Variants in AP1S3 observed in about 807,000 individuals in gnomAD.
AP1S3 encodes the protein AP-1 complex subunit sigma-3.
AP1S3 carries 10 observed loss-of-function variants against 20.9 expected under a neutral mutation model. That is an observed-to-expected ratio of 0.48 (90% confidence interval 0.29 to 0.81). The LOEUF is 0.81. Among genes scored for constraint, AP1S3 ranks in the 30% least tolerant of loss-of-function variants. The probability of loss-of-function intolerance (pLI) is 0.08; values close to 1 mark genes in which losing one functional copy is unlikely to be tolerated. For missense variants in AP1S3, 154 were observed against 183.8 expected, an observed-to-expected ratio of 0.84 and a Z score of 0.94; for synonymous variants, 41 against 61.5, an observed-to-expected ratio of 0.67 and a Z score of 1.56.
intron 1 of AP1S3, among the ~76,000 whole-genome samples, chr2:223,818,325 G>A (rs1178135384): frequency 6.6e-6 from 1 of 151,858 alleles, no homozygotes; most frequent in Non-Finnish European, 1.5e-5. Flanking sequence ...GCTGAGGCAG[G>A]AGAATCGCTT....
At position 223,809,032 on chromosome 2, in the gene AP1S3, G is replaced by C. The variant is rs1691650388; in HGVS notation, c.3+28416C>G. On this transcript the variant is annotated intron_variant, in intron 1 of 4. Coordinates refer to ENST00000396654, the MANE Select transcript of AP1S3 (RefSeq NM_001039569.2). ...AAAAATGGACTGGCTGGGGAAGTTT[G>C]AGGAGACCGCATTAAGAACATTATA... is the stretch of plus-strand genomic sequence containing the variant. Among the ~76,000 whole-genome samples, 3 of 152,198 alleles carry C rather than the reference G, an allele frequency of 2.0e-5. 1 individual carries two copies. Among genetic ancestry groups the C allele is most frequent in the Admixed American group, 2.0e-4 (3 of 15,280 alleles).
intron 3 of AP1S3, among the ~76,000 whole-genome samples, chr2:223,772,553 C>T (rs988272647): frequency 6.6e-6 from 1 of 152,190 alleles, no homozygotes; most frequent in African/African-American, 2.4e-5. Context: ...GACTTTGAGG[C>T]ATTTCCTCTG....
intron 1 of AP1S3, among the ~76,000 whole-genome samples, chr2:223,779,825 C>A (rs531849097): frequency 6.6e-5 from 10 of 151,902 alleles, no homozygotes; most frequent in African/African-American, 1.7e-4. Context: ...AAATTAGCCA[C>A]GTGTGGTGGT....
Position 223,765,114 on chromosome 2 carries a change from AGAGT to A in AP1S3, c.429+95_429+98del, listed in dbSNP as rs1274721109. The A allele has an allele frequency of 4.1e-5, 60 of 1,468,354 alleles. No individual in the cohort carries two copies. The East Asian group carries it at 1.3e-3, about 32-fold the overall frequency. 91.0% of individuals were successfully genotyped at this position (1,468,354 alleles called of 1,614,324 possible). On this transcript the variant is annotated intron_variant, in intron 4 of 4. Transcript: ENST00000396654. Reference sequence around the variant, plus strand: ...ATAGTTTAGAAACTGTACCCAGCACAGAGTAAGTACTCAGTAAGTCTGGTTAATA... The same window carrying A: ...ATAGTTTAGAAACTGTACCCAGCACAAAGTACTCAGTAAGTCTGGTTAATA...
At chr2:223,771,295 C>A (rs942385388) in intron 3 of AP1S3, among the ~76,000 whole-genome samples, 2 of 152,000 alleles carry the variant, frequency 1.3e-5, no homozygotes, top group African/African-American at 4.8e-5. Context: ...CAAGACTGCA[C>A]CACTGCACCC....
At position 223,766,444 on chromosome 2, in the gene AP1S3, T is replaced by A. The variant is rs144723209; in HGVS notation, c.292-1094A>T. On this transcript the variant is annotated intron_variant, in intron 3 of 4. Coordinates refer to ENST00000396654, the MANE Select transcript of AP1S3 (RefSeq NM_001039569.2). ...GCTCTTTAGTTTAATTGGATCCCATTTGTCTATTTTAGCTTTTGTCACTAG... is the reference window on the plus strand; with the variant it reads ...GCTCTTTAGTTTAATTGGATCCCATATGTCTATTTTAGCTTTTGTCACTAG... Among the ~76,000 whole-genome samples the A allele has an allele frequency of 2.8e-3, 422 of 152,358 alleles. 1 individual carries two copies. The highest frequency in any genetic ancestry group is 9.7e-3 in the African/African-American group (403 of 41,590).
chr2:223,784,436 T>C (rs1463480905), intron 1 of AP1S3, among the ~76,000 whole-genome samples: 6 of 152,172 alleles, frequency 3.9e-5, no homozygotes, highest in Admixed American at 3.3e-4. Flanking sequence ...ATTTTCTTCC[T>C]GCATCAGAGA....
chr2:223,777,816 C>A lies in AP1S3; in HGVS notation c.57G>T (p.Trp19Cys). Residue 19 changes from tryptophan (W) to cysteine (C), a missense_variant, in exon 2 of 5, where the codon TGG becomes TGT. Coordinates refer to ENST00000396654, the MANE Select transcript of AP1S3 (RefSeq NM_001039569.2). ...SRQGKLRLQK[W>C]YITLPDKERK... ...TCTCTTTATCAGGGAGAGTGATGTA[C>A]CATTTCTGTAGCCGTAATTTCCCTT... The A allele has an allele frequency of 3.7e-6, 6 of 1,614,084 alleles. No individual in the cohort carries two copies. Among genetic ancestry groups the A allele is most frequent in the Non-Finnish European group, 5.1e-6 (6 of 1,180,006 alleles).
At chr2:223,798,211 C>T (rs1229968867) in intron 1 of AP1S3, among the ~76,000 whole-genome samples, 2 of 152,192 alleles carry the variant, frequency 1.3e-5, no homozygotes, top group South Asian at 4.1e-4. Context: ...TGCTGTCAAT[C>T]TCAGAATCTC....
At chr2:223,786,273 G>A (rs1249160972) in intron 1 of AP1S3, among the ~76,000 whole-genome samples, 1 of 152,152 alleles carries the variant, frequency 6.6e-6, no homozygotes, top group Non-Finnish European at 1.5e-5. Flanking sequence ...AGATGGAGGA[G>A]CCCTAATAAC....
intron 1 of AP1S3, among the ~76,000 whole-genome samples, chr2:223,802,949 T>C (rs1691501516): frequency 1.3e-5 from 2 of 152,248 alleles, no homozygotes; most frequent in Non-Finnish European, 2.9e-5. Context: ...AGATTGTTTT[T>C]CCATTACTAC....
intron 1 of AP1S3, among the ~76,000 whole-genome samples, chr2:223,799,418 T>G (rs1249373027): frequency 6.6e-6 from 1 of 152,224 alleles, no homozygotes; most frequent in African/African-American, 2.4e-5. Context: ...CCTCCAGAAC[T>G]ATGAGATGAT....
intron 1 of AP1S3, among the ~76,000 whole-genome samples, chr2:223,804,015 G>A (rs1691525678): frequency 1.3e-5 from 2 of 152,094 alleles, no homozygotes; most frequent in Non-Finnish European, 2.9e-5. Context: ...TCAAACTTAA[G>A]TAGAATGTTG....
At chr2:223,834,783 T>C (rs1239938028) in intron 1 of AP1S3, among the ~76,000 whole-genome samples, 2 of 151,086 alleles carry the variant, frequency 1.3e-5, no homozygotes, top group African/African-American at 4.9e-5. Context: ...GAAAAAACAA[T>C]AGTAAACCTA....
At chr2:223,770,052 A>G in intron 3 of AP1S3, 1 of 1,335,694 alleles carries the variant, frequency 7.5e-7, no homozygotes, top group East Asian at 2.7e-5. Flanking sequence ...CCGCGATCCT[A>G]TTTTTAAAAA....
chr2:223,796,790 A>G (rs1300480051), intron 1 of AP1S3, among the ~76,000 whole-genome samples: 3 of 152,082 alleles, frequency 2.0e-5, no homozygotes, highest in Non-Finnish European at 4.4e-5. Flanking sequence ...CAGCCTCCCA[A>G]GCAGCTGGGA....
At chr2:223,823,028 G>A (rs1291528031) in intron 1 of AP1S3, among the ~76,000 whole-genome samples, 1 of 152,022 alleles carries the variant, frequency 6.6e-6, no homozygotes, top group Non-Finnish European at 1.5e-5. Context: ...TGCAAATTAA[G>A]AGCCACAGTG....
rs16865186 is a variant in AP1S3 at position 223,773,250 on chromosome 2, A to G, written c.291+2651T>C. ...CACAGTTGGTTTAATCTAGGAAAAT[A>G]CAACAGGTCAAGCCGGAGTTCAGAA... On this transcript the variant is annotated intron_variant, in intron 3 of 4. Transcript: ENST00000396654. The G allele has an allele frequency of 0.13, 162,421 of 1,281,004 alleles. 21,256 individuals carry two copies. Among genetic ancestry groups the G allele is most frequent in the East Asian group, 0.59 (10,564 of 17,840 alleles). The allele number at this position is 1,281,004 out of a possible 1,614,324, so 79.4% of individuals were successfully genotyped here.
intron 1 of AP1S3, among the ~76,000 whole-genome samples, chr2:223,804,570 G>A (rs1691535493): frequency 6.6e-6 from 1 of 152,134 alleles, no homozygotes; most frequent in African/African-American, 2.4e-5. Context: ...GGCCAGGCAT[G>A]GTGGCACATG....
Sources: allele counts gnomAD v4.1 joint callset (sites outside exome capture counted in the v4.1 genomes callset), GRCh38; gene constraint gnomAD v4.1.1; transcripts MANE v1.5; gene names NCBI Gene and HGNC (gene_info 2026-07-23, HGNC 2026-07-21).